Variants in MBD2 observed in about 807,000 individuals in gnomAD.
MBD2 encodes the protein methyl-CpG binding domain protein 2.
In MBD2, 9 loss-of-function variants were observed where a neutral mutation model predicts 39.3. The observed-to-expected ratio is 0.23, with a 90% CI of 0.14 to 0.40. The LOEUF (loss-of-function observed/expected upper bound fraction) is 0.40, where lower values mean the gene tolerates loss of function less well. Among genes scored for constraint, MBD2 ranks in the 10% least tolerant of loss-of-function variants. The probability of loss-of-function intolerance (pLI) is 1.00; values close to 1 mark genes in which losing one functional copy is unlikely to be tolerated. For missense variants in MBD2, 458 were observed against 532.6 expected (o/e 0.86, Z 1.38); for synonymous variants, 233 against 211.1 (o/e 1.10, Z -0.90).
Position 54,159,842 on chromosome 18 carries a change from T to C in MBD2, c.1171A>G (p.Ile391Val). The change falls in exon 6 of 7, where the codon ATC becomes GTC. Residue 391 changes from isoleucine (I) to valine (V), a missense_variant. Ile to Val is a conservative substitution (Grantham distance 29). Coordinates refer to ENST00000256429, the MANE Select transcript of MBD2 (RefSeq NM_003927.5). ...KKLEEALMAD[I>V]LSRAADTEEM... Reference sequence around the variant, plus strand: ...TCTGTATCAGCAGCTCGCGACAAGATGTCTGCCATCAGTGCTTCTTCCAAT... The same window carrying C: ...TCTGTATCAGCAGCTCGCGACAAGACGTCTGCCATCAGTGCTTCTTCCAAT... The C allele has an allele frequency of 1.9e-6, 3 of 1,612,988 alleles. No homozygotes were observed. The highest frequency in any genetic ancestry group is 2.5e-6 in the Non-Finnish European group (3 of 1,180,002).
chr18:54,152,473 A>C lies in MBD2; in HGVS notation c.*2851T>G, dbSNP rs746153856. Reference sequence around the variant, plus strand: ...AGTTACTGAGTGCTTACTAGGTGCCAGTCACTCAGCTAAGTGCTGGGGCTG... The same window carrying C: ...AGTTACTGAGTGCTTACTAGGTGCCCGTCACTCAGCTAAGTGCTGGGGCTG... On this transcript the variant is annotated 3_prime_UTR_variant, in exon 7 of 7. Coordinates refer to ENST00000256429, the MANE Select transcript of MBD2 (RefSeq NM_003927.5). 6 of 152,208 alleles carry C rather than the reference A, an allele frequency of 3.9e-5. No homozygotes were observed. The highest frequency in any genetic ancestry group is 8.8e-5 in the Non-Finnish European group (6 of 68,062). 9.4% of individuals were successfully genotyped at this position (152,208 alleles called of 1,614,324 possible).
intron 3 of MBD2, chr18:54,187,810 C>T: frequency 1.0e-6 from 1 of 985,820 alleles, no homozygotes; most frequent in Non-Finnish European, 1.2e-6. Flanking sequence ...CAATGTGGCT[C>T]CAAATATCTT....
At chr18:54,213,485 A>T (rs572297966) in intron 1 of MBD2, among the ~76,000 whole-genome samples, 11 of 152,366 alleles carry the variant, frequency 7.2e-5, no homozygotes, top group Admixed American at 2.6e-4. Context: ...ACTGCTCTGT[A>T]TCATTTGTTT....
At chr18:54,191,384 A>C (rs2086319175) in intron 2 of MBD2, among the ~76,000 whole-genome samples, 1 of 152,238 alleles carries the variant, frequency 6.6e-6, no homozygotes, top group African/African-American at 2.4e-5. Context: ...CCCAGAGATG[A>C]GTGTTCATTT....
At chr18:54,175,742 C>G (rs899330970) in intron 3 of MBD2, among the ~76,000 whole-genome samples, 2 of 152,090 alleles carry the variant, frequency 1.3e-5, no homozygotes, top group Admixed American at 6.6e-5. Flanking sequence ...GAACACTGAC[C>G]TTGCCCAAGG....
At chr18:54,204,415 T>C (rs1176554039) in intron 2 of MBD2, among the ~76,000 whole-genome samples, 2 of 152,242 alleles carry the variant, frequency 1.3e-5, no homozygotes, top group Non-Finnish European at 2.9e-5. Flanking sequence ...TTCAGATATT[T>C]TTCAGATTTG....
chr18:54,209,466 C>T (rs1010418852), intron 1 of MBD2, among the ~76,000 whole-genome samples: 1 of 152,130 alleles, frequency 6.6e-6, no homozygotes, highest in African/African-American at 2.4e-5. Flanking sequence ...AATTCTTATT[C>T]ATAATGAATA....
intron 6 of MBD2, among the ~76,000 whole-genome samples, chr18:54,156,353 A>G (rs1375754425): frequency 6.6e-6 from 1 of 152,232 alleles, no homozygotes; most frequent in East Asian, 1.9e-4. Flanking sequence ...CCTACCTAAC[A>G]TGCCAAAATA....
At chr18:54,207,479 A>G (rs1157321147) in intron 1 of MBD2, among the ~76,000 whole-genome samples, 1 of 152,210 alleles carries the variant, frequency 6.6e-6, no homozygotes, top group African/African-American at 2.4e-5. Flanking sequence ...TTCAAACACC[A>G]TTATAGGCTA....
intron 2 of MBD2, among the ~76,000 whole-genome samples, chr18:54,200,948 C>T (rs1812558): frequency 0.33 from 49,625 of 151,602 alleles, 9,088 homozygotes; most frequent in East Asian, 0.43. Context: ...GGCGTGGTGG[C>T]GGGGGCCTGT....
At chr18:54,223,970 T>G in intron 1 of MBD2, 48 bp downstream of exon 1, 1 of 1,350,830 alleles carries the variant, frequency 7.4e-7, no homozygotes, top group Non-Finnish European at 1.0e-6. Flanking sequence ...TCTTGACCCC[T>G]GACCCCGGCC....
chr18:54,190,098 T>C (rs757933816), intron 2 of MBD2, among the ~76,000 whole-genome samples: 1 of 152,206 alleles, frequency 6.6e-6, no homozygotes, highest in Non-Finnish European at 1.5e-5. Context: ...TTAACCTCTT[T>C]TATATAAAAA....
rs1355789233 is a variant in MBD2, at chr18:54,153,741, G to T, written c.*1583C>A. 6.6e-6 allele frequency: 1 copy of T among 152,202 alleles called. No individual in the cohort carries two copies. Among genetic ancestry groups the T allele is most frequent in the Non-Finnish European group, 1.5e-5 (1 of 68,080 alleles). The allele number at this position is 152,202 out of a possible 1,614,324, so 9.4% of individuals were successfully genotyped here. A position where few individuals can be genotyped will look rare whatever the true frequency, so the allele number is the denominator to read the frequency against. On this transcript the variant is annotated 3_prime_UTR_variant, in exon 7 of 7. Transcript: ENST00000256429. ...TGGGACAGTCTGATGGGGCGGGCAGGCACCCTCTACCAATTGGCTTCCCAG... is the reference window on the plus strand; with the variant it reads ...TGGGACAGTCTGATGGGGCGGGCAGTCACCCTCTACCAATTGGCTTCCCAG...
Position 54,155,923 on chromosome 18 carries a change from A to G in MBD2, c.*13-612T>C, listed in dbSNP as rs112568120. On this transcript the variant is annotated intron_variant, in intron 6 of 6. Coordinates refer to ENST00000256429, the MANE Select transcript of MBD2 (RefSeq NM_003927.5). ...TTCTTCTTCTTCTTAAATTTTACTT[A>G]AGTAAAATTTAAGTAACACAGTAAA... is the stretch of plus-strand genomic sequence containing the variant. Among the ~76,000 whole-genome samples the G allele has an allele frequency of 4.2e-3, 647 of 152,258 alleles. 6 individuals carry two copies. Among genetic ancestry groups the G allele is most frequent in the South Asian group, 0.013 (65 of 4,820 alleles).
At chr18:54,166,226 G>T in intron 3 of MBD2, 60 bp from the exon 4 acceptor site, 1 of 946,624 alleles carries the variant, frequency 1.1e-6, no homozygotes, top group Non-Finnish European at 1.7e-6. Flanking sequence ...GTAGCGCATC[G>T]ATGCTGTTGA....
chr18:54,180,966 G>A (rs184483541), intron 3 of MBD2, among the ~76,000 whole-genome samples: 3 of 133,070 alleles, frequency 2.3e-5, no homozygotes, highest in East Asian at 2.2e-4. Context: ...GCCTGATCTC[G>A]GCTCACTGCA....
rs766330782 is a variant in MBD2, at chr18:54,203,038, C to G, written c.702+1960G>C. The G allele has an allele frequency of 7.7e-6, 10 of 1,295,144 alleles. No individual in the cohort carries two copies. In the African/African-American group the frequency reaches 1.3e-4, roughly 17 times the overall value. 80.2% of individuals were successfully genotyped at this position (1,295,144 alleles called of 1,614,324 possible). ...AGCACATTCCAAGCAGAGCAAACAG[C>G]GTATGAGCAAGCAGAGTCTTGAAAG... On this transcript the variant is annotated intron_variant, in intron 2 of 6. Coordinates refer to ENST00000256429, the MANE Select transcript of MBD2 (RefSeq NM_003927.5).
chr18:54,189,955 T>G (rs1322086423), intron 2 of MBD2, among the ~76,000 whole-genome samples: 1 of 152,094 alleles, frequency 6.6e-6, no homozygotes, highest in African/African-American at 2.4e-5. Context: ...GGCCAAGAAC[T>G]TTAAGGATAC....
At chr18:54,213,083 GGC>G (rs1207014288) in intron 1 of MBD2, among the ~76,000 whole-genome samples, 5 of 124,806 alleles carry the variant, frequency 4.0e-5, no homozygotes, top group African/African-American at 1.1e-4. Context: ...GGATTATGGG[GGC>G]GGGGGGGGGG....
Sources: allele counts gnomAD v4.1 joint callset (sites outside exome capture counted in the v4.1 genomes callset), GRCh38; gene constraint gnomAD v4.1.1; transcripts MANE v1.5; gene names NCBI Gene and HGNC (gene_info 2026-07-23, HGNC 2026-07-21).